AUTS2: variants seen among roughly 807,000 people sequenced by gnomAD.
The protein encoded by AUTS2 is activator of transcription and developmental regulator AUTS2, also known as autism susceptibility gene 2 protein.
AUTS2 carries 17 observed loss-of-function variants against 112.4 expected under a neutral mutation model. The ratio of observed to expected loss-of-function variants is 0.15; its 90% CI spans 0.10 to 0.23. The LOEUF is 0.23. Among genes scored for constraint, AUTS2 ranks in the 10% least tolerant of loss-of-function variants. The pLI, the probability that AUTS2 is intolerant of heterozygous loss-of-function variation, is 1.00. For synonymous variants in AUTS2, 751 were observed against 702.7 expected (o/e 1.07, Z -1.09); for missense variants, 1,510 against 1,701.6 (o/e 0.89, Z 1.98).
intron 17 of AUTS2, 196 bp from the exon 18 acceptor site, chr7:70,787,013 A>G: frequency 1.5e-6 from 1 of 672,682 alleles, no homozygotes. Context: ...GAAAAAAAAA[A>G]GCTGTGAGCT....
intron 2 of AUTS2, among the ~76,000 whole-genome samples, chr7:70,075,466 G>A (rs192057355): frequency 2.0e-5 from 3 of 152,156 alleles, no homozygotes; most frequent in Non-Finnish European, 1.5e-5. Context: ...TGAACTACAT[G>A]TATTTTATGA....
At chr7:69,950,949 A>G (rs1462319112) in intron 2 of AUTS2, among the ~76,000 whole-genome samples, 2 of 152,004 alleles carry the variant, frequency 1.3e-5, no homozygotes, top group Non-Finnish European at 2.9e-5. Context: ...AGCCAGGACA[A>G]CATAGCAAGA....
At chr7:70,697,397 T>C (rs886925223) in intron 5 of AUTS2, among the ~76,000 whole-genome samples, 2 of 152,184 alleles carry the variant, frequency 1.3e-5, no homozygotes, top group African/African-American at 4.8e-5. Flanking sequence ...TTAATACAAA[T>C]ATTTTGTCTT....
Position 70,784,974 on chromosome 7 carries a change from C to A in AUTS2, c.2179C>A (p.Pro727Thr), listed in dbSNP as rs1791350542. ...ACACCCAACTGGGACCCCTTTTGGG[C>A]CACCTCCTCATCACAGCAACTTCCT... ...AAHPTGTPFG[P>T]PPHHSNFLNP... Residue 727 changes from proline to threonine, a missense_variant, in exon 16 of 19, where the codon CCA becomes ACA. Physicochemically the swap from Pro to Thr is conservative, Grantham distance 38 (BLOSUM62 -1). Coordinates refer to ENST00000342771, the MANE Select transcript of AUTS2 (RefSeq NM_015570.4). The A allele has an allele frequency of 9.3e-6, 15 of 1,614,148 alleles. No individual in the cohort carries two copies. Among genetic ancestry groups the A allele is most frequent in the Non-Finnish European group, 1.3e-5 (15 of 1,180,028 alleles).
chr7:70,620,620 G>A lies in AUTS2; in HGVS notation c.691-77949G>A, dbSNP rs147108437. Among the ~76,000 whole-genome samples, 372 of 152,232 alleles carry A rather than the reference G, an allele frequency of 2.4e-3. 1 individual carries two copies. The highest frequency in any genetic ancestry group is 7.1e-3 in the African/African-American group (294 of 41,558). On this transcript the variant is annotated intron_variant, in intron 5 of 18. Coordinates refer to ENST00000342771, the MANE Select transcript of AUTS2 (RefSeq NM_015570.4). ...CCTTGACCCTTAGCGCCCTCAGGTC[G>A]TTGTGTTGTTTGGATTGGTGATTTC...
intron 2 of AUTS2, among the ~76,000 whole-genome samples, chr7:69,922,571 T>G (rs931641893): frequency 1.3e-5 from 2 of 152,242 alleles, no homozygotes; most frequent in Non-Finnish European, 2.9e-5. Context: ...CATGCTGTTT[T>G]CACTTCTCAG....
At chr7:70,125,275 G>GTGTA (rs1805906646) in intron 3 of AUTS2, among the ~76,000 whole-genome samples, 1 of 144,712 alleles carries the variant, frequency 6.9e-6, no homozygotes, top group Admixed American at 6.8e-5. Context: ...GTGTGTGTGT[G>GTGTA]TGTGTGTGTG....
At chr7:70,699,739 G>A (rs1809342558) in intron 6 of AUTS2, among the ~76,000 whole-genome samples, 1 of 152,074 alleles carries the variant, frequency 6.6e-6, no homozygotes, top group African/African-American at 2.4e-5. Flanking sequence ...ATTTTCTGAT[G>A]GACTGAAAGT....
intron 4 of AUTS2, among the ~76,000 whole-genome samples, chr7:70,190,787 T>C (rs964574490): frequency 1.3e-5 from 2 of 152,188 alleles, no homozygotes; most frequent in Admixed American, 6.5e-5. Flanking sequence ...ATTTGCAGCG[T>C]ACACTATTGT....
chr7:70,286,189 C>T (rs1053592428), intron 4 of AUTS2, among the ~76,000 whole-genome samples: 9 of 152,234 alleles, frequency 5.9e-5, no homozygotes, highest in East Asian at 1.9e-4. Flanking sequence ...TCATTGGCAG[C>T]GTAAAAATGG....
At chr7:70,343,709 G>A (rs774634870) in intron 4 of AUTS2, among the ~76,000 whole-genome samples, 3 of 152,134 alleles carry the variant, frequency 2.0e-5, no homozygotes, top group South Asian at 2.1e-4. Flanking sequence ...GATTTTGCCC[G>A]GGATAAAGAG....
At chr7:70,330,117 A>G (rs146237385) in intron 4 of AUTS2, among the ~76,000 whole-genome samples, 127 of 152,320 alleles carry the variant, frequency 8.3e-4, no homozygotes, top group African/African-American at 2.9e-3. Context: ...TGAGAAACAT[A>G]TTGAGAACAT....
At chr7:69,955,653 C>T (rs1276861982) in intron 2 of AUTS2, among the ~76,000 whole-genome samples, 1 of 152,104 alleles carries the variant, frequency 6.6e-6, no homozygotes, top group East Asian at 1.9e-4. Flanking sequence ...AATTAACACC[C>T]TCCCCTTAAC....
chr7:69,894,278 T>TTTTA (rs1491190658), intron 1 of AUTS2, among the ~76,000 whole-genome samples: 13 of 118,326 alleles, frequency 1.1e-4, no homozygotes, highest in South Asian at 2.8e-4. Context: ...TTTTTTTTTT[T>TTTTA]AACAGATTTC....
chr7:70,525,838 C>T (rs1284759279), intron 5 of AUTS2, among the ~76,000 whole-genome samples: 1 of 152,184 alleles, frequency 6.6e-6, no homozygotes, highest in Non-Finnish European at 1.5e-5. Flanking sequence ...GAGATGGGCA[C>T]CTCCAGCCTT....
chr7:69,900,500 A>G (rs1794925513), intron 2 of AUTS2, among the ~76,000 whole-genome samples: 1 of 152,226 alleles, frequency 6.6e-6, no homozygotes, highest in Non-Finnish European at 1.5e-5. Context: ...GAGAGCTACT[A>G]AACCTAAATT....
chr7:70,354,608 G>C (rs1238955171), intron 4 of AUTS2, among the ~76,000 whole-genome samples: 1 of 152,148 alleles, frequency 6.6e-6, no homozygotes, highest in Non-Finnish European at 1.5e-5. Flanking sequence ...CATGGGCCAG[G>C]ATCCCCAGCC....
At chr7:69,815,601 G>A (rs1411405683) in intron 1 of AUTS2, among the ~76,000 whole-genome samples, 5 of 151,876 alleles carry the variant, frequency 3.3e-5, no homozygotes, top group African/African-American at 7.3e-5. Flanking sequence ...TGCAACCTCC[G>A]CCTCCCAGGT....
intron 4 of AUTS2, among the ~76,000 whole-genome samples, chr7:70,217,829 G>A (rs1382554745): frequency 1.3e-5 from 2 of 152,178 alleles, no homozygotes; most frequent in African/African-American, 4.8e-5. Context: ...TCTGTTTATG[G>A]CAGAAGAAAG....
Sources: allele counts gnomAD v4.1 joint callset (sites outside exome capture counted in the v4.1 genomes callset), GRCh38; gene constraint gnomAD v4.1.1; transcripts MANE v1.5; gene names NCBI Gene and HGNC (gene_info 2026-07-23, HGNC 2026-07-21).